The following PDSS2 variants were observed in gnomAD, a reference collection of about 807,000 sequenced individuals.
The protein encoded by PDSS2 is decaprenyl diphosphate synthase subunit 2, also known as all trans-polyprenyl-diphosphate synthase PDSS2.
Under a neutral mutation model 44.5 loss-of-function variants are expected in PDSS2, and 31 were observed. The ratio of observed to expected loss-of-function variants is 0.70; its 90% CI spans 0.52 to 0.94. The LOEUF (loss-of-function observed/expected upper bound fraction) is 0.94, where lower values mean the gene tolerates loss of function less well. Among genes scored for constraint, PDSS2 ranks in the 40% least tolerant of loss-of-function variants. The pLI, the probability that PDSS2 is intolerant of heterozygous loss-of-function variation, is 0.00. For missense variants in PDSS2, 452 were observed against 482.2 expected (o/e 0.94, Z 0.59); for synonymous variants, 157 against 180.3 (o/e 0.87, Z 1.03).
intron 1 of PDSS2, among the ~76,000 whole-genome samples, chr6:107,444,325 C>T (rs537802952): frequency 1.3e-5 from 2 of 152,260 alleles, no homozygotes; most frequent in African/African-American, 4.8e-5. Context: ...GCCACTGCAC[C>T]TAGCCACCAG....
At chr6:107,289,074 A>G (rs886715150) in intron 2 of PDSS2, among the ~76,000 whole-genome samples, 7 of 150,342 alleles carry the variant, frequency 4.7e-5, no homozygotes, top group Admixed American at 4.0e-4. Flanking sequence ...GCCGAAATTG[A>G]TATTTTAAGA....
chr6:107,338,642 T>C (rs1777983103), intron 1 of PDSS2, among the ~76,000 whole-genome samples: 1 of 152,064 alleles, frequency 6.6e-6, no homozygotes, highest in Admixed American at 6.6e-5. Flanking sequence ...CCGTGAGATC[T>C]AAAGGATGAG....
intron 7 of PDSS2, among the ~76,000 whole-genome samples, chr6:107,193,049 C>T (rs966731405): frequency 1.3e-5 from 2 of 152,196 alleles, no homozygotes; most frequent in African/African-American, 4.8e-5. Context: ...GTTCTTTTAG[C>T]CAAGCAGCTG....
intron 6 of PDSS2, among the ~76,000 whole-genome samples, chr6:107,206,658 T>C (rs1282443981): frequency 6.6e-6 from 1 of 151,920 alleles, no homozygotes; most frequent in Non-Finnish European, 1.5e-5. Flanking sequence ...TGAACACTAA[T>C]GGTAGCTGAT....
At chr6:107,431,353 A>C (rs1234926173) in intron 1 of PDSS2, among the ~76,000 whole-genome samples, 2 of 152,164 alleles carry the variant, frequency 1.3e-5, no homozygotes, top group African/African-American at 4.8e-5. Flanking sequence ...CCCAGGCTTA[A>C]GTTATCCTCC....
chr6:107,190,433 T>C (rs1164731863), intron 7 of PDSS2, among the ~76,000 whole-genome samples: 1 of 152,180 alleles, frequency 6.6e-6, no homozygotes, highest in East Asian at 1.9e-4. Flanking sequence ...CGTCACTTAC[T>C]AAGTGTCAAG....
At chr6:107,447,464 C>T (rs908868847) in intron 1 of PDSS2, among the ~76,000 whole-genome samples, 4 of 152,178 alleles carry the variant, frequency 2.6e-5, no homozygotes, top group South Asian at 2.1e-4. Context: ...GGGATACAGG[C>T]CCCACATCAA....
At chr6:107,189,519 G>A (rs1335463780) in intron 7 of PDSS2, among the ~76,000 whole-genome samples, 1 of 151,976 alleles carries the variant, frequency 6.6e-6, no homozygotes, top group Non-Finnish European at 1.5e-5. Flanking sequence ...TGTGTTTTTA[G>A]TAGGGACGGG....
At chr6:107,206,120 G>T (rs933445853) in intron 6 of PDSS2, among the ~76,000 whole-genome samples, 1 of 152,222 alleles carries the variant, frequency 6.6e-6, no homozygotes, top group African/African-American at 2.4e-5. Context: ...CACCCAGGCT[G>T]GAGTGCACTG....
chr6:107,255,839 T>C (rs1775001661), intron 3 of PDSS2, among the ~76,000 whole-genome samples: 1 of 152,212 alleles, frequency 6.6e-6, no homozygotes, highest in Non-Finnish European at 1.5e-5. Flanking sequence ...TATTTCTTTA[T>C]CACTTTTTAC....
chr6:107,317,744 A>G (rs1215499604), intron 2 of PDSS2, among the ~76,000 whole-genome samples: 5 of 152,188 alleles, frequency 3.3e-5, no homozygotes, highest in Non-Finnish European at 7.3e-5. Flanking sequence ...CCGTTTGAAA[A>G]TGGCACCAAA....
intron 1 of PDSS2, among the ~76,000 whole-genome samples, chr6:107,353,668 T>C (rs555234560): frequency 6.6e-6 from 1 of 152,204 alleles, no homozygotes; most frequent in South Asian, 2.1e-4. Flanking sequence ...CACCCCTCAA[T>C]ATGATAGCAT....
chr6:107,400,070 G>A (rs995072786), intron 1 of PDSS2, among the ~76,000 whole-genome samples: 13 of 152,086 alleles, frequency 8.5e-5, no homozygotes, highest in Non-Finnish European at 1.9e-4. Context: ...TGAGTGGGGG[G>A]AGTGTCTCCA....
At chr6:107,413,987 A>AC (rs1194524913) in intron 1 of PDSS2, among the ~76,000 whole-genome samples, 1 of 70,618 alleles carries the variant, frequency 1.4e-5, no homozygotes, top group Non-Finnish European at 3.9e-5. Context: ...CAGAAAATGA[A>AC]TTCTACAAAG....
At chr6:107,202,853 T>C (rs1772833332) in intron 6 of PDSS2, among the ~76,000 whole-genome samples, 1 of 151,898 alleles carries the variant, frequency 6.6e-6, no homozygotes, top group Non-Finnish European at 1.5e-5. Flanking sequence ...TGGTGTCCAA[T>C]TTTAGAAAGG....
Position 107,170,392 on chromosome 6 carries a change from C to G in PDSS2, c.1042-15615G>C, listed in dbSNP as rs1984471. 2.6e-5 allele frequency among the ~76,000 whole-genome samples: 4 copies of G among 151,944 alleles called. No homozygotes were observed. In the South Asian group the frequency reaches 8.3e-4, roughly 31 times the overall value. On this transcript the variant is annotated intron_variant, in intron 7 of 7. Transcript: ENST00000369037. ...CCATCTGTCACAGCTTCGCTTGGCT[C>G]GGAAAGGGAATTCCCTGACCCCTTG... is the stretch of plus-strand genomic sequence containing the variant.
intron 6 of PDSS2, among the ~76,000 whole-genome samples, chr6:107,202,173 G>A (rs1336599523): frequency 6.6e-6 from 1 of 152,072 alleles, no homozygotes; most frequent in African/African-American, 2.4e-5. Flanking sequence ...TGAATAGCTG[G>A]GATTACAGGT....
At chr6:107,434,921 CACTT>C (rs1200519098) in intron 1 of PDSS2, among the ~76,000 whole-genome samples, 2 of 151,854 alleles carry the variant, frequency 1.3e-5, no homozygotes, top group Admixed American at 6.6e-5. Flanking sequence ...TAAATATACA[CACTT>C]ACTATGTACT....
chr6:107,331,517 T>C (rs577647374), intron 2 of PDSS2, among the ~76,000 whole-genome samples: 12 of 152,306 alleles, frequency 7.9e-5, no homozygotes, highest in Admixed American at 6.5e-4. Flanking sequence ...TCTGCCAACA[T>C]GTTATGTGAA....
Sources: gnomAD v4.1 joint callset for allele counts (sites outside exome capture counted in the v4.1 genomes callset) on GRCh38, gnomAD v4.1.1 for gene constraint, MANE v1.5 for transcripts, NCBI Gene and HGNC (gene_info 2026-07-23, HGNC 2026-07-21) for gene names.